Variants in DNM3 observed in about 807,000 individuals in gnomAD.
The protein encoded by DNM3 is dynamin-3.
DNM3 carries 47 observed loss-of-function variants against 101.6 expected under a neutral mutation model. The observed-to-expected ratio is 0.46, with a 90% confidence interval of 0.37 to 0.59. DNM3 has a LOEUF of 0.59. Ranked by LOEUF, DNM3 falls within the 20% of genes least tolerant of loss-of-function variation. The probability of loss-of-function intolerance (pLI) is 0.00; values close to 1 mark genes in which losing one functional copy is unlikely to be tolerated. For missense variants in DNM3, 849 were observed against 1,085.7 expected, an observed-to-expected ratio of 0.78 and a Z score of 3.06; for synonymous variants, 385 against 387.9, an observed-to-expected ratio of 0.99 and a Z score of 0.09.
At chr1:172,148,014 T>C (rs765168237) in intron 14 of DNM3, among the ~76,000 whole-genome samples, 26 of 152,130 alleles carry the variant, frequency 1.7e-4, no homozygotes, top group Non-Finnish European at 3.5e-4. Flanking sequence ...GATGATAAAA[T>C]TAAAGCTCAG....
At chr1:171,900,211 C>A (rs2038182181) in intron 1 of DNM3, among the ~76,000 whole-genome samples, 1 of 152,096 alleles carries the variant, frequency 6.6e-6, no homozygotes, top group South Asian at 2.1e-4. Context: ...TCAAAGAGGA[C>A]AATAGCGTAT....
At chr1:172,000,800 G>A (rs1477066121) in intron 4 of DNM3, among the ~76,000 whole-genome samples, 1 of 152,062 alleles carries the variant, frequency 6.6e-6, no homozygotes, top group Non-Finnish European at 1.5e-5. Context: ...TGGCTGTGAG[G>A]AAGTGAAGAC....
intron 14 of DNM3, among the ~76,000 whole-genome samples, chr1:172,180,603 A>G (rs2059309904): frequency 6.6e-6 from 1 of 151,026 alleles, no homozygotes; most frequent in African/African-American, 2.4e-5. Flanking sequence ...ACAGAAGATC[A>G]TAAAAAGTTT....
chr1:172,114,340 A>G (rs1385967193), intron 13 of DNM3, among the ~76,000 whole-genome samples: 2 of 152,206 alleles, frequency 1.3e-5, no homozygotes, highest in African/African-American at 2.4e-5. Flanking sequence ...CGGCTGAAAC[A>G]TGTGGCAAAG....
At chr1:172,102,678 C>G (rs1262954738) in intron 13 of DNM3, among the ~76,000 whole-genome samples, 1 of 152,024 alleles carries the variant, frequency 6.6e-6, no homozygotes, top group Non-Finnish European at 1.5e-5. Flanking sequence ...CTTGTTTCAC[C>G]AGAGGAAGAA....
chr1:171,905,649 A>C (rs2038761221), intron 1 of DNM3, among the ~76,000 whole-genome samples: 1 of 152,210 alleles, frequency 6.6e-6, no homozygotes, highest in South Asian at 2.1e-4. Flanking sequence ...TTAGGGGAGA[A>C]TATTAAAACT....
chr1:172,044,271 G>A (rs537346541), intron 8 of DNM3, 114 bp from the exon 9 acceptor site: 2 of 868,002 alleles, frequency 2.3e-6, no homozygotes, highest in East Asian at 2.7e-5. Context: ...GGTTAGGAAA[G>A]ACATGAGTAT....
At chr1:172,074,775 T>C (rs1351082846) in intron 11 of DNM3, among the ~76,000 whole-genome samples, 3 of 152,238 alleles carry the variant, frequency 2.0e-5, no homozygotes, top group African/African-American at 7.2e-5. Flanking sequence ...GCAATAAACA[T>C]GCGTGTACAT....
chr1:172,057,950 A>G (rs1164464266), intron 10 of DNM3, among the ~76,000 whole-genome samples: 1 of 139,632 alleles, frequency 7.2e-6, no homozygotes, highest in African/African-American at 2.8e-5. Flanking sequence ...CAGGAAACCC[A>G]TCTCATGTGC....
intron 14 of DNM3, among the ~76,000 whole-genome samples, chr1:172,147,946 G>A (rs1410063955): frequency 2.0e-5 from 3 of 151,902 alleles, no homozygotes; most frequent in Admixed American, 6.6e-5. Context: ...CATGTACAAC[G>A]TATTTGTTTC....
At chr1:172,175,174 T>A (rs1160234421) in intron 14 of DNM3, among the ~76,000 whole-genome samples, 1 of 151,678 alleles carries the variant, frequency 6.6e-6, no homozygotes, top group Non-Finnish European at 1.5e-5. Context: ...AGGAGATGAG[T>A]ATGACTGGAT....
At chr1:172,190,831 T>C (rs1355203499) in intron 14 of DNM3, among the ~76,000 whole-genome samples, 1 of 152,246 alleles carries the variant, frequency 6.6e-6, no homozygotes, top group Non-Finnish European at 1.5e-5. Context: ...GAAGTGTCTG[T>C]TCATATCCTT....
intron 2 of DNM3, among the ~76,000 whole-genome samples, chr1:171,969,793 T>C (rs1340108652): frequency 6.6e-6 from 1 of 152,126 alleles, no homozygotes; most frequent in Non-Finnish European, 1.5e-5. Context: ...AATAAATATA[T>C]GGTCTTATCT....
intron 2 of DNM3, among the ~76,000 whole-genome samples, chr1:171,934,827 G>A (rs2041286506): frequency 6.6e-6 from 1 of 152,176 alleles, no homozygotes; most frequent in Non-Finnish European, 1.5e-5. Flanking sequence ...TACTATGTGG[G>A]AAACTAAAAT....
At chr1:172,403,125 A>C (rs2070628027) in intron 20 of DNM3, among the ~76,000 whole-genome samples, 1 of 152,192 alleles carries the variant, frequency 6.6e-6, no homozygotes, top group African/African-American at 2.4e-5. Context: ...CCCAATAGAA[A>C]AAATTCTGCA....
chr1:172,320,392 A>C (rs2065648871), intron 16 of DNM3, among the ~76,000 whole-genome samples: 1 of 104,362 alleles, frequency 9.6e-6, no homozygotes, highest in Admixed American at 8.6e-5. Context: ...TAATAATAAA[A>C]AAAAGAAAAA....
chr1:171,843,821 A>C (rs1172451612), intron 1 of DNM3, among the ~76,000 whole-genome samples: 1 of 152,324 alleles, frequency 6.6e-6, no homozygotes, highest in African/African-American at 2.4e-5. Flanking sequence ...TTAAGTTTGA[A>C]TATTTTTCAA....
At chr1:172,381,220 T>C (rs2068884802) in intron 18 of DNM3, among the ~76,000 whole-genome samples, 1 of 151,922 alleles carries the variant, frequency 6.6e-6, no homozygotes, top group South Asian at 2.1e-4. Context: ...GTTCTGATAG[T>C]TGTCTTGAGA....
intron 17 of DNM3, among the ~76,000 whole-genome samples, chr1:172,338,116 C>T (rs755218543): frequency 6.6e-5 from 10 of 151,792 alleles, no homozygotes; most frequent in Non-Finnish European, 1.0e-4. Flanking sequence ...GGGGTTTCAT[C>T]ATGTTGGCCA....
Sources: gnomAD v4.1 joint callset for allele counts (sites outside exome capture counted in the v4.1 genomes callset) on GRCh38, gnomAD v4.1.1 for gene constraint, MANE v1.5 for transcripts, NCBI Gene and HGNC (gene_info 2026-07-23, HGNC 2026-07-21) for gene names.